Variants in CDH2 observed in about 807,000 individuals in gnomAD.
The protein encoded by CDH2 is cadherin 2.
In CDH2, 17 loss-of-function variants were observed where a neutral mutation model predicts 92.0. The observed-to-expected ratio is 0.18, with a 90% CI of 0.13 to 0.28. The LOEUF is 0.28. Ranked by LOEUF, CDH2 falls within the 10% of genes least tolerant of loss-of-function variation. CDH2 has a pLI of 1.00. For missense variants in CDH2, 862 were observed against 1,133.1 expected, an observed-to-expected ratio of 0.76 and a Z score of 3.44; for synonymous variants, 419 against 415.9, an observed-to-expected ratio of 1.01 and a Z score of -0.09.
chr18:28,006,435 A>G (rs2310784), intron 5 of CDH2, among the ~76,000 whole-genome samples: 25,830 of 152,002 alleles, frequency 0.17, 2,464 homozygotes, highest in South Asian at 0.29. Context: ...ATGTGAAAGT[A>G]GGCCAGGCAC....
intron 14 of CDH2, among the ~76,000 whole-genome samples, chr18:27,976,001 T>C (rs1225301492): frequency 2.0e-5 from 3 of 152,140 alleles, no homozygotes; most frequent in African/African-American, 4.8e-5. Flanking sequence ...TCTGGGGTCC[T>C]TATAGGGACA....
intron 15 of CDH2, 22 bp downstream of exon 15, chr18:27,963,335 G>T (rs1196767168): frequency 6.2e-7 from 1 of 1,612,242 alleles, no homozygotes; most frequent in Admixed American, 1.7e-5. Flanking sequence ...CTCTTATAGA[G>T]AAAACGAGTG....
At chr18:27,965,222 A>G (rs2011505226) in intron 14 of CDH2, among the ~76,000 whole-genome samples, 1 of 152,278 alleles carries the variant, frequency 6.6e-6, no homozygotes, top group African/African-American at 2.4e-5. Flanking sequence ...TAATTGAGAT[A>G]CTCTGATCCT....
intron 2 of CDH2, among the ~76,000 whole-genome samples, chr18:28,075,193 A>C (rs1365433582): frequency 6.6e-6 from 1 of 152,188 alleles, no homozygotes; most frequent in South Asian, 2.1e-4. Flanking sequence ...ATTCTATGGG[A>C]AGAAAGCACA....
intron 2 of CDH2, among the ~76,000 whole-genome samples, chr18:28,137,113 A>G (rs2015875650): frequency 6.6e-6 from 1 of 152,182 alleles, no homozygotes; most frequent in Non-Finnish European, 1.5e-5. Flanking sequence ...AGTTAGTACA[A>G]TTAAAATCTG....
chr18:28,060,466 C>T (rs932261466), intron 2 of CDH2, among the ~76,000 whole-genome samples: 1 of 152,194 alleles, frequency 6.6e-6, no homozygotes, highest in African/African-American at 2.4e-5. Context: ...AGATTACAGG[C>T]ATGAGCCACT....
chr18:28,052,301 G>A (rs2014207544), intron 2 of CDH2, among the ~76,000 whole-genome samples: 2 of 152,096 alleles, frequency 1.3e-5, no homozygotes, highest in South Asian at 2.1e-4. Context: ...ATCAATATCT[G>A]TATCAAACTT....
intron 1 of CDH2, among the ~76,000 whole-genome samples, chr18:28,172,677 CA>C (rs1349318135): frequency 6.6e-6 from 1 of 152,112 alleles, no homozygotes; most frequent in East Asian, 1.9e-4. Flanking sequence ...AAATCTATCA[CA>C]TTTTTAAATG....
At chr18:28,003,839 G>A (rs2012839378) in intron 6 of CDH2, among the ~76,000 whole-genome samples, 1 of 152,200 alleles carries the variant, frequency 6.6e-6, no homozygotes, top group Admixed American at 6.5e-5. Flanking sequence ...TATCGAATTA[G>A]TTCAAACTAG....
chr18:27,991,502 C>T (rs6508523), intron 9 of CDH2, among the ~76,000 whole-genome samples: 8,064 of 152,184 alleles, frequency 0.053, 269 homozygotes, highest in African/African-American at 0.071. Flanking sequence ...CGAAACCTTC[C>T]CCTGATGTAA....
intron 2 of CDH2, among the ~76,000 whole-genome samples, chr18:28,145,744 T>C (rs190254054): frequency 1.4e-4 from 21 of 152,014 alleles, no homozygotes; most frequent in Admixed American, 1.4e-3. Context: ...TTAAACAGTA[T>C]GTTTCAAGCT....
intron 2 of CDH2, among the ~76,000 whole-genome samples, chr18:28,093,923 A>G (rs534596470): frequency 1.3e-5 from 2 of 152,324 alleles, no homozygotes; most frequent in East Asian, 3.9e-4. Context: ...GAATGAAGGG[A>G]AACAGCGGGG....
chr18:27,978,763 C>T (rs990275229), intron 14 of CDH2, among the ~76,000 whole-genome samples: 1 of 152,074 alleles, frequency 6.6e-6, no homozygotes, highest in Non-Finnish European at 1.5e-5. Context: ...AGCAGTCCTC[C>T]TATCTCAGCC....
At chr18:27,947,696 T>C (rs996693496), downstream of CDH2, among the ~76,000 whole-genome samples, 1 of 140,732 alleles carries the variant, frequency 7.1e-6, no homozygotes, top group Non-Finnish European at 1.6e-5. Context: ...TAAGTGTATA[T>C]GATGTAAGTA....
chr18:28,094,479 C>A (rs868463774), intron 2 of CDH2, among the ~76,000 whole-genome samples: 1 of 151,574 alleles, frequency 6.6e-6, no homozygotes, highest in Non-Finnish European at 1.5e-5. Context: ...CAGAGTTAGA[C>A]TCTGTCCTTA....
At chr18:28,166,453 G>A (rs1242500428) in intron 1 of CDH2, among the ~76,000 whole-genome samples, 1 of 151,652 alleles carries the variant, frequency 6.6e-6, no homozygotes, top group Non-Finnish European at 1.5e-5. Context: ...TCATTTACAA[G>A]GTACTTAATT....
chr18:28,176,110 A>C (rs530288131), intron 1 of CDH2, among the ~76,000 whole-genome samples: 47 of 152,264 alleles, frequency 3.1e-4, no homozygotes, highest in African/African-American at 1.1e-3. Flanking sequence ...GCCGCGGAGG[A>C]GCCTCTTAGT....
intron 2 of CDH2, among the ~76,000 whole-genome samples, chr18:28,107,266 G>A (rs2015337093): frequency 6.6e-6 from 1 of 151,880 alleles, no homozygotes; most frequent in Admixed American, 6.6e-5. Flanking sequence ...CAGCTTTAAA[G>A]TGAAGTCTGT....
At chr18:28,152,371 T>C (rs1598511770) in intron 1 of CDH2, among the ~76,000 whole-genome samples, 2 of 152,142 alleles carry the variant, frequency 1.3e-5, no homozygotes, top group African/African-American at 4.8e-5. Context: ...GAAAACAAGA[T>C]ACAGCCCCTG....
Sources: allele counts gnomAD v4.1 joint callset (sites outside exome capture counted in the v4.1 genomes callset), GRCh38; gene constraint gnomAD v4.1.1; transcripts MANE v1.5; gene names NCBI Gene and HGNC (gene_info 2026-07-23, HGNC 2026-07-21).